Variants in TAFA2 observed in about 807,000 individuals in gnomAD.
The protein encoded by TAFA2 is chemokine-like protein TAFA-2.
A neutral mutation model predicts 18.8 loss-of-function variants in TAFA2; 7 were observed. The ratio of observed to expected loss-of-function variants is 0.37; its 90% confidence interval spans 0.21 to 0.70. The LOEUF (loss-of-function observed/expected upper bound fraction) is 0.70. Among genes scored for constraint, TAFA2 ranks in the 30% least tolerant of loss-of-function variants. The probability of loss-of-function intolerance (pLI) is 0.53; values close to 1 mark genes in which losing one functional copy is unlikely to be tolerated. For missense variants in TAFA2, 122 were observed against 158.1 expected, an observed-to-expected ratio of 0.77 and a Z score of 1.23; for synonymous variants, 60 against 54.2, an observed-to-expected ratio of 1.11 and a Z score of -0.47.
intron 1 of TAFA2, among the ~76,000 whole-genome samples, chr12:62,251,882 G>C (rs540557859): frequency 6.6e-6 from 1 of 152,162 alleles, no homozygotes; most frequent in African/African-American, 2.4e-5. Context: ...GCAGCTAGAG[G>C]AATAAATTCT....
At chr12:62,023,564 C>A (rs1222943369) in intron 1 of TAFA2, 1 of 151,174 alleles carries the variant, frequency 6.6e-6, no homozygotes, top group Non-Finnish European at 1.5e-5. Flanking sequence ...GACTTATGAA[C>A]CATGAGCTTA....
At chr12:61,758,627 T>C (rs1372285159) in intron 2 of TAFA2, among the ~76,000 whole-genome samples, 1 of 151,916 alleles carries the variant, frequency 6.6e-6, no homozygotes, top group Non-Finnish European at 1.5e-5. Context: ...AAAGAGGGTC[T>C]GAAATAGATA....
rs372839822 is a variant in TAFA2 at position 62,038,093 on chromosome 12, G to T, written c.-2+153166C>A. On this transcript the variant is annotated intron_variant, in intron 1 of 4. Transcript: ENST00000416284. The stretch of plus-strand genomic sequence containing the variant: ...GAAATTAAAACAGTGGTTACCAGCG[G>T]CAGGGTGGAGAGGAAATGGGGAGAT... Among the ~76,000 whole-genome samples, 28 of 152,254 alleles carry T rather than the reference G, an allele frequency of 1.8e-4. No homozygotes were observed. The East Asian group carries it at 5.4e-3, about 29-fold the overall frequency.
intron 1 of TAFA2, among the ~76,000 whole-genome samples, chr12:62,072,031 A>G (rs1882643820): frequency 6.6e-6 from 1 of 152,166 alleles, no homozygotes. Context: ...TTCAGGTACT[A>G]TTTTTTCACA....
chr12:62,155,654 A>T (rs924050829), intron 1 of TAFA2, among the ~76,000 whole-genome samples: 16 of 152,140 alleles, frequency 1.1e-4, no homozygotes, highest in African/African-American at 3.6e-4. Flanking sequence ...CTTACAGCCA[A>T]CTGATCTTCA....
At chr12:62,169,190 T>C (rs2062460386) in intron 1 of TAFA2, among the ~76,000 whole-genome samples, 1 of 152,160 alleles carries the variant, frequency 6.6e-6, no homozygotes, top group Non-Finnish European at 1.5e-5. Flanking sequence ...AAATAATGGA[T>C]GGGTAGAGGA....
chr12:61,898,061 A>G (rs1875931492), intron 1 of TAFA2, among the ~76,000 whole-genome samples: 1 of 152,248 alleles, frequency 6.6e-6, no homozygotes, highest in Non-Finnish European at 1.5e-5. Flanking sequence ...CAGGACAGTC[A>G]TCACATCTTA....
intron 1 of TAFA2, among the ~76,000 whole-genome samples, chr12:61,867,878 T>C (rs114823408): frequency 0.024 from 3,635 of 152,212 alleles, 128 homozygotes; most frequent in African/African-American, 0.081. Context: ...GCACAGAATA[T>C]GGTCACTTCA....
chr12:62,240,221 T>A (rs1436355322), intron 1 of TAFA2, among the ~76,000 whole-genome samples: 1 of 151,848 alleles, frequency 6.6e-6, no homozygotes, highest in African/African-American at 2.4e-5. Context: ...GAGTTCAAGA[T>A]CAGCCTGGCC....
At chr12:61,848,190 G>A (rs1172905797) in intron 2 of TAFA2, among the ~76,000 whole-genome samples, 1 of 152,128 alleles carries the variant, frequency 6.6e-6, no homozygotes, top group Non-Finnish European at 1.5e-5. Context: ...TTGCATGTAT[G>A]GGCAAATAAA....
At chr12:61,720,168 A>G (rs1335310409) in intron 4 of TAFA2, among the ~76,000 whole-genome samples, 1 of 152,142 alleles carries the variant, frequency 6.6e-6, no homozygotes, top group African/African-American at 2.4e-5. Flanking sequence ...ATTATTTATA[A>G]TGCTTAGATG....
At position 61,975,514 on chromosome 12, in the gene TAFA2, C is replaced by CGT. The variant is rs3031098; in HGVS notation, c.-1-108090_-1-108089dup. Among the ~76,000 whole-genome samples, 394 of 136,648 alleles carry CGT rather than the reference C, an allele frequency of 2.9e-3. 4 individuals are homozygous for CGT. The highest frequency in any genetic ancestry group is 5.2e-3 in the African/African-American group (187 of 35,686). The allele number at this position is 136,648 out of a possible 152,430, so 89.6% of individuals were successfully genotyped here. ...CTCCTTTTTAAGGCTCAATAATATTCGTGTGTGTGTGTGTGTGTGTGTGTG... is the reference window on the plus strand; with the variant it reads ...CTCCTTTTTAAGGCTCAATAATATTCGTGTGTGTGTGTGTGTGTGTGTGTGTG... On this transcript the variant is annotated intron_variant, in intron 1 of 4. Transcript: ENST00000416284.
chr12:62,224,503 T>C (rs1490743425), intron 1 of TAFA2, among the ~76,000 whole-genome samples: 2 of 152,104 alleles, frequency 1.3e-5, no homozygotes, highest in Admixed American at 6.6e-5. Context: ...ATAGGGGCAC[T>C]AATCTTATTC....
At chr12:61,713,074 C>G (rs1381109466) in intron 4 of TAFA2, among the ~76,000 whole-genome samples, 5 of 152,138 alleles carry the variant, frequency 3.3e-5, no homozygotes, top group Non-Finnish European at 1.5e-5. Context: ...TAAATTTAGC[C>G]TAAAGCTTCC....
At chr12:61,712,770 AT>A (rs1180358540) in intron 4 of TAFA2, among the ~76,000 whole-genome samples, 9 of 151,594 alleles carry the variant, frequency 5.9e-5, no homozygotes, top group African/African-American at 2.2e-4. Flanking sequence ...GGTATAAATC[AT>A]TTCTAATATT....
At chr12:61,941,745 C>T (rs1033548677) in intron 1 of TAFA2, among the ~76,000 whole-genome samples, 17 of 152,174 alleles carry the variant, frequency 1.1e-4, no homozygotes, top group Non-Finnish European at 1.8e-4. Context: ...CTTTTCAGAC[C>T]GGCTTAAAAA....
At chr12:62,176,663 T>TG (rs1278511387) in intron 1 of TAFA2, among the ~76,000 whole-genome samples, 2 of 152,222 alleles carry the variant, frequency 1.3e-5, no homozygotes, top group Non-Finnish European at 2.9e-5. Context: ...CAAATGAAAT[T>TG]GGAGAATCAT....
chr12:62,235,908 A>G (rs2062835050), intron 1 of TAFA2, among the ~76,000 whole-genome samples: 1 of 151,744 alleles, frequency 6.6e-6, no homozygotes, highest in South Asian at 2.1e-4. Context: ...CTTTGTTATT[A>G]CCATAAGGCT....
intron 4 of TAFA2, among the ~76,000 whole-genome samples, chr12:61,752,795 C>T (rs1462991699): frequency 6.6e-6 from 1 of 151,958 alleles, no homozygotes; most frequent in Non-Finnish European, 1.5e-5. Flanking sequence ...TAGCCAGTCT[C>T]TACTTTTATG....
Sources: allele counts gnomAD v4.1 joint callset (sites outside exome capture counted in the v4.1 genomes callset), GRCh38; gene constraint gnomAD v4.1.1; transcripts MANE v1.5; gene names NCBI Gene and HGNC (gene_info 2026-07-23, HGNC 2026-07-21).